The following ELN variants were observed in gnomAD, a reference collection of about 807,000 sequenced individuals.
ELN encodes the protein tropoelastin.
A neutral mutation model predicts 105.8 loss-of-function variants in ELN; 65 were observed. The ratio of observed to expected loss-of-function variants is 0.61; its 90% CI spans 0.50 to 0.75. The LOEUF is 0.75. Ranked by LOEUF, ELN falls within the 30% of genes least tolerant of loss-of-function variation. The pLI, the probability that ELN is intolerant of heterozygous loss-of-function variation, is 0.00. For missense variants in ELN, 882 were observed against 969.4 expected (o/e 0.91, Z 1.20); for synonymous variants, 368 against 389.2 (o/e 0.95, Z 0.64).
intron 19 of ELN, 31 bp from the exon 20 acceptor site, chr7:74,056,237 GCTT>G (rs782751996): frequency 6.2e-7 from 1 of 1,614,180 alleles, no homozygotes; most frequent in Admixed American, 1.7e-5. Context: ...CTCTCACTGA[GCTT>G]CTTTTCTACT....
chr7:74,056,718 G>C lies in ELN; in HGVS notation c.1357+5G>C, dbSNP rs1026949390. 1 of 1,613,802 alleles carries C rather than the reference G, an allele frequency of 6.2e-7. No individual in the cohort carries two copies. Among genetic ancestry groups the C allele is most frequent in the Admixed American group, 1.7e-5 (1 of 60,020 alleles). ...CCGCCAAGGCTGCCAAGTACGGTAA[G>C]TGCCCCTGCCCTGCCTGTCCCCAAG... On this transcript the variant is annotated splice_donor_5th_base_variant and intron_variant, in intron 21 of 32. Transcript: ENST00000252034.
rs1554670353 is a variant in ELN at position 74,043,861 on chromosome 7, G to A, written c.428-18G>A. On this transcript the variant is annotated intron_variant, in intron 8 of 32. Coordinates refer to ENST00000252034, the MANE Select transcript of ELN (RefSeq NM_000501.4). ...AGGCTGAGCTGCTGCTAGTAACTTT[G>A]CTTTCTTTTGGCCACAGGTGTGGGG... 1 of 1,613,966 alleles carries A rather than the reference G, an allele frequency of 6.2e-7. No individual in the cohort carries two copies. The highest frequency in any genetic ancestry group is 2.2e-5 in the East Asian group (1 of 44,864).
At chr7:74,028,559 G>C (rs1162247612) in intron 1 of ELN, among the ~76,000 whole-genome samples, 1 of 152,162 alleles carries the variant, frequency 6.6e-6, no homozygotes, top group African/African-American at 2.4e-5. Context: ...CCGGGTGCCC[G>C]CCCTGTAGGG....
chr7:74,043,137 T>C lies in ELN; in HGVS notation c.396T>C (p.Pro132=). The C allele has an allele frequency of 6.2e-7, 1 of 1,611,402 alleles. No individual in the cohort carries two copies. The highest frequency in any genetic ancestry group is 1.1e-5 in the South Asian group (1 of 90,728). Residue 132 remains proline, a synonymous_variant, in exon 8 of 33, where the codon CCT becomes CCC. Transcript: ENST00000252034. ...GVSAGAVVPQ[P]GAGVKPGKVP... is the part of the protein sequence containing the mutation. ...TGCCAGGTGCGGTGGTTCCTCAGCC[T>C]GGAGCCGGAGTGAAGCCTGGGAAAG...
chr7:74,066,157 G>A (rs1279180538), intron 31 of ELN, among the ~76,000 whole-genome samples, 160 bp downstream of exon 31: 5 of 152,236 alleles, frequency 3.3e-5, no homozygotes, highest in African/African-American at 1.2e-4. Context: ...CTGGGCAAAC[G>A]GGCAAGCTAT....
chr7:74,051,848 T>C lies in ELN; in HGVS notation c.889+9T>C, dbSNP rs782023285. On this transcript the variant is annotated intron_variant, in intron 16 of 32. Coordinates refer to ENST00000252034, the MANE Select transcript of ELN (RefSeq NM_000501.4). Reference sequence around the variant, plus strand: ...AATTGGAGGCATCGCAGGTAACATCTGTCCCAGCAGGGGGCGGGTGTGTCC... The same window carrying C: ...AATTGGAGGCATCGCAGGTAACATCCGTCCCAGCAGGGGGCGGGTGTGTCC... 7 of 1,614,218 alleles carry C rather than the reference T, an allele frequency of 4.3e-6. No individual in the cohort carries two copies. Among genetic ancestry groups the C allele is most frequent in the Non-Finnish European group, 5.9e-6 (7 of 1,180,030 alleles).
intron 15 of ELN, 56 bp from the exon 16 acceptor site, chr7:74,051,694 G>T: frequency 1.2e-6 from 2 of 1,600,422 alleles, no homozygotes; most frequent in Non-Finnish European, 8.6e-7. Context: ...TGGCCATCCT[G>T]CCTGTCCTCA....
Position 74,046,710 on chromosome 7 carries a change from G to T in ELN, c.586G>T (p.Gly196Trp), listed in dbSNP as rs1554672464. ...TATTCCCACAGGAGTTGGACCCTTT[G>T]GGGGACCGCAACCTGGAGTCCCACT... ...FAGIPGVGPF[G>W]GPQPGVPLGY... The change falls in exon 12 of 33, where the codon GGG becomes TGG. Residue 196 changes from glycine (G) to tryptophan (W), a missense_variant. By Grantham distance (184) the Gly-to-Trp change is radical (BLOSUM62 -2). Transcript: ENST00000252034. The T allele has an allele frequency of 6.2e-7, 1 of 1,614,070 alleles. No individual in the cohort carries two copies. Among genetic ancestry groups the T allele is most frequent in the Non-Finnish European group, 8.5e-7 (1 of 1,180,026 alleles).
chr7:74,052,854 GGA>G (rs1212730169), intron 17 of ELN: 8 of 396,982 alleles, frequency 2.0e-5, no homozygotes, highest in Non-Finnish European at 2.3e-5. Flanking sequence ...AGAGAGGGAG[GGA>G]GAGAGAAAGA....
At chr7:74,032,391 G>A (rs370608385) in intron 1 of ELN, among the ~76,000 whole-genome samples, 275 of 149,248 alleles carry the variant, frequency 1.8e-3, no homozygotes, top group Non-Finnish European at 2.7e-3. Context: ...CAGGAGAAAC[G>A]GCTTGTGCCA....
intron 32 of ELN, among the ~76,000 whole-genome samples, chr7:74,068,153 G>A (rs1397405682): frequency 6.6e-6 from 1 of 152,242 alleles, no homozygotes; most frequent in Admixed American, 6.5e-5. Flanking sequence ...GGAGGGGGTA[G>A]GAATCCTGGG....
chr7:74,036,545 C>T lies in ELN; in HGVS notation c.134-10C>T, dbSNP rs782069123. 1 of 1,613,902 alleles carries T rather than the reference C, an allele frequency of 6.2e-7. No homozygotes were observed. Among genetic ancestry groups the T allele is most frequent in the Non-Finnish European group, 8.5e-7 (1 of 1,179,992 alleles). ...CGATGATCTCTCTTTCTCTTTCTCT[C>T]CCCCCACAGGGGCTGGTCTCGGAGC... On this transcript the variant is annotated splice_polypyrimidine_tract_variant and intron_variant, in intron 2 of 32. Transcript: ENST00000252034.
chr7:74,056,326 G>A lies in ELN; in HGVS notation c.1206G>A (p.Gly402=). The A allele has an allele frequency of 6.2e-7, 1 of 1,614,124 alleles. No homozygotes were observed. Among genetic ancestry groups the A allele is most frequent in the Non-Finnish European group, 8.5e-7 (1 of 1,180,022 alleles). Residue 402 remains glycine, a synonymous_variant, in exon 20 of 33, where the codon GGG becomes GGA. Coordinates refer to ENST00000252034, the MANE Select transcript of ELN (RefSeq NM_000501.4). The part of the protein sequence containing the change: ...GGIPTYGVGA[G]GFPGFGVGVG... ...TTCCTACTTACGGGGTTGGAGCTGGGGGCTTTCCCGGCTTTGGTGTCGGAG... is the reference window on the plus strand; with the variant it reads ...TTCCTACTTACGGGGTTGGAGCTGGAGGCTTTCCCGGCTTTGGTGTCGGAG...
intron 29 of ELN, among the ~76,000 whole-genome samples, chr7:74,065,347 G>A (rs1387204786): frequency 1.3e-5 from 2 of 151,998 alleles, no homozygotes; most frequent in Non-Finnish European, 2.9e-5. Flanking sequence ...AGGTGCAGTG[G>A]CTCACACCTG....
chr7:74,049,451 A>C (rs1301602566), intron 15 of ELN, among the ~76,000 whole-genome samples: 7 of 122,778 alleles, frequency 5.7e-5, no homozygotes, highest in African/African-American at 9.5e-5. Flanking sequence ...TCCATCCATC[A>C]CTCCCTCGCT....
rs546341976 is a variant in ELN at position 74,068,938 on chromosome 7, C to T, written c.*238C>T. On this transcript the variant is annotated 3_prime_UTR_variant, in exon 33 of 33. Coordinates refer to ENST00000252034, the MANE Select transcript of ELN (RefSeq NM_000501.4). Reference sequence around the variant, plus strand: ...AGGGCCATGTGGTCCTGGCCCCCCACCCCATCCCTTCCCACCTAGGAGCTC... The same window carrying T: ...AGGGCCATGTGGTCCTGGCCCCCCATCCCATCCCTTCCCACCTAGGAGCTC... The T allele has an allele frequency of 1.7e-4, 99 of 577,152 alleles. 1 individual carries two copies. Among genetic ancestry groups the T allele is most frequent in the African/African-American group, 1.6e-3 (87 of 53,712 alleles). The allele number at this position is 577,152 out of a possible 1,614,324, so 35.8% of individuals were successfully genotyped here.
chr7:74,067,289 A>G (rs527882319), intron 32 of ELN, among the ~76,000 whole-genome samples: 39 of 150,052 alleles, frequency 2.6e-4, no homozygotes, highest in Non-Finnish European at 4.3e-4. Context: ...TTTTTTTGAG[A>G]TGGAGTCTTG....
intron 2 of ELN, 45 bp downstream of exon 2, chr7:74,035,459 G>T (rs530068734): frequency 6.2e-7 from 1 of 1,609,346 alleles, no homozygotes; most frequent in African/African-American, 1.3e-5. Context: ...TGCGGATGAT[G>T]CTGATGTCCA....
At chr7:74,052,812 A>C in intron 17 of ELN, 1 of 283,622 alleles carries the variant, frequency 3.5e-6, no homozygotes, top group East Asian at 8.0e-5. Context: ...GAAGGAAGGA[A>C]GGAAAAAGAA....
Sources: gnomAD v4.1 joint callset for allele counts (sites outside exome capture counted in the v4.1 genomes callset) on GRCh38, gnomAD v4.1.1 for gene constraint, MANE v1.5 for transcripts, NCBI Gene and HGNC (gene_info 2026-07-23, HGNC 2026-07-21) for gene names.